ARL3: variants seen among roughly 807,000 people sequenced by gnomAD.
ARL3 encodes ARF like GTPase 3.
ARL3 carries 9 observed loss-of-function variants against 26.0 expected under a neutral mutation model. The observed-to-expected ratio is 0.35, with a 90% CI of 0.21 to 0.60. The LOEUF is 0.60. Among genes scored for constraint, ARL3 ranks in the 20% least tolerant of loss-of-function variants. The pLI, the probability that ARL3 is intolerant of heterozygous loss-of-function variation, is 0.78. For synonymous variants in ARL3, 71 were observed against 78.4 expected (o/e 0.91, Z 0.50); for missense variants, 158 against 215.7 (o/e 0.73, Z 1.67).
intron 4 of ARL3, 66 bp downstream of exon 4, chr10:102,689,827 C>G (rs888315137): frequency 1.9e-6 from 2 of 1,052,578 alleles, no homozygotes; most frequent in Admixed American, 2.4e-5. Flanking sequence ...AAAACTCCGT[C>G]TCAAAAAAAA....
chr10:102,694,226 T>C (rs1288396570), intron 3 of ARL3, among the ~76,000 whole-genome samples: 1 of 151,208 alleles, frequency 6.6e-6, no homozygotes, highest in African/African-American at 2.4e-5. Flanking sequence ...CCTGACCTCG[T>C]GATCCTCCCG....
chr10:102,700,862 C>T (rs963604218), intron 2 of ARL3, among the ~76,000 whole-genome samples: 3 of 150,992 alleles, frequency 2.0e-5, no homozygotes, highest in Non-Finnish European at 4.4e-5. Context: ...CTCAGCCTCC[C>T]GAGTAGCTGG....
intron 4 of ARL3, among the ~76,000 whole-genome samples, chr10:102,687,769 C>T (rs1163610612): frequency 6.6e-5 from 10 of 152,082 alleles, no homozygotes; most frequent in Admixed American, 6.6e-5. Flanking sequence ...TCAAGGGATC[C>T]TCCTGCCTCA....
At chr10:102,696,136 T>C (rs1262017575) in intron 3 of ARL3, among the ~76,000 whole-genome samples, 1 of 151,796 alleles carries the variant, frequency 6.6e-6, no homozygotes, top group African/African-American at 2.4e-5. Flanking sequence ...GCTATTTTTT[T>C]GTATTTTTTA....
At chr10:102,702,932 C>T (rs552752013) in intron 2 of ARL3, among the ~76,000 whole-genome samples, 1 of 152,120 alleles carries the variant, frequency 6.6e-6, no homozygotes, top group Non-Finnish European at 1.5e-5. Flanking sequence ...GGTCTTATCA[C>T]GGTACAGTGA....
At chr10:102,689,829 C>CAAA in intron 4 of ARL3, 64 bp downstream of exon 4, 18 of 850,620 alleles carry the variant, frequency 2.1e-5, no homozygotes, top group South Asian at 1.1e-4. Context: ...AACTCCGTCT[C>CAAA]AAAAAAAAAA....
Position 102,685,875 on chromosome 10 carries a change from T to C in ARL3, c.442A>G (p.Ile148Val). Residue 148 changes from isoleucine to valine, a missense_variant, in exon 5 of 6, where the codon ATC (isoleucine) becomes GTC (valine). Transcript: ENST00000260746. ...EIAEGLNLHT[I>V]RDRVWQIQSC... Reference sequence around the variant, plus strand: ...TGGATCTGCCAGACTCGGTCGCGGATGGTATGCAGGTTCAGTCCTTCTGCA... The same window carrying C: ...TGGATCTGCCAGACTCGGTCGCGGACGGTATGCAGGTTCAGTCCTTCTGCA... 1.2e-6 allele frequency: 2 copies of C among 1,614,148 alleles called. No homozygotes were observed. Among genetic ancestry groups the C allele is most frequent in the African/African-American group, 1.3e-5 (1 of 75,044 alleles).
At position 102,705,487 on chromosome 10, in the gene ARL3, G is replaced by A; in HGVS notation, c.6C>T (p.Gly2=). 6.3e-7 allele frequency: 1 copy of A among 1,589,958 alleles called. No individual in the cohort carries two copies. Among genetic ancestry groups the A allele is most frequent in the South Asian group, 1.1e-5 (1 of 89,754 alleles). The change falls in exon 2 of 6, where the codon GGC becomes GGT. Residue 2 remains glycine, a splice_region_variant and synonymous_variant. Transcript: ENST00000260746. M[G]LLSILRKLKS... ...TCAACTTGCGCAAAATTGAGAGCAA[G>A]CCCTTCAACAACCACAAAGGAGACA...
At chr10:102,687,821 C>T (rs1385553546) in intron 4 of ARL3, among the ~76,000 whole-genome samples, 1 of 152,160 alleles carries the variant, frequency 6.6e-6, no homozygotes, top group Non-Finnish European at 1.5e-5. Flanking sequence ...GCCATCACAC[C>T]TGGCCCATAG....
intron 3 of ARL3, among the ~76,000 whole-genome samples, chr10:102,690,656 G>A (rs780982531): frequency 6.6e-6 from 1 of 152,078 alleles, no homozygotes; most frequent in East Asian, 1.9e-4. Flanking sequence ...ATGATTAGTA[G>A]TAACATGAAT....
chr10:102,695,011 G>A (rs1270276646), intron 3 of ARL3, among the ~76,000 whole-genome samples: 1 of 152,194 alleles, frequency 6.6e-6, no homozygotes, highest in Non-Finnish European at 1.5e-5. Flanking sequence ...GAGCCACTGC[G>A]CCCGGCCTAT....
intron 4 of ARL3, among the ~76,000 whole-genome samples, chr10:102,687,943 G>A (rs559818396): frequency 6.6e-6 from 1 of 151,978 alleles, no homozygotes; most frequent in Non-Finnish European, 1.5e-5. Context: ...GTGTGTGTAT[G>A]TGTGTGTGTG....
intron 4 of ARL3, among the ~76,000 whole-genome samples, chr10:102,687,872 T>C (rs3977736): frequency 0.16 from 24,113 of 152,046 alleles, 2,206 homozygotes; most frequent in Middle Eastern, 0.27. Flanking sequence ...AGACAAGAAG[T>C]GGTTTGAGAT....
chr10:102,709,479 C>CAA (rs11290496), intron 1 of ARL3, among the ~76,000 whole-genome samples: 2 of 114,372 alleles, frequency 1.7e-5, no homozygotes, highest in African/African-American at 6.6e-5. Context: ...ATATCCCTAC[C>CAA]AAAAAAAAAA....
chr10:102,713,401 T>C (rs1352071359), intron 1 of ARL3, among the ~76,000 whole-genome samples: 2 of 152,172 alleles, frequency 1.3e-5, no homozygotes, highest in Non-Finnish European at 2.9e-5. Flanking sequence ...TTGCCCCGGA[T>C]TGAAGTTCGA....
intron 1 of ARL3, among the ~76,000 whole-genome samples, chr10:102,706,113 T>C (rs1168114694): frequency 1.3e-5 from 2 of 152,242 alleles, no homozygotes; most frequent in East Asian, 3.9e-4. Context: ...CCTATAAATA[T>C]ATAACACCAT....
In ARL3 at chr10:102,676,959, A is replaced by G. The variant is rs771829254; in HGVS notation, c.502-18T>C. 1.9e-6 allele frequency: 3 copies of G among 1,613,224 alleles called. No homozygotes were observed. Among genetic ancestry groups the G allele is most frequent in the Admixed American group, 1.7e-5 (1 of 60,000 alleles). On this transcript the variant is annotated intron_variant, in intron 5 of 5. Coordinates refer to ENST00000260746, the MANE Select transcript of ARL3 (RefSeq NM_004311.4). ...ATGCCATCCTTTGAGGGAAATGGGC[A>G]GAGAAAGGCAGTGTTAGTTATAAGA...
At chr10:102,698,891 A>G (rs1340568492) in intron 3 of ARL3, among the ~76,000 whole-genome samples, 1 of 152,162 alleles carries the variant, frequency 6.6e-6, no homozygotes, top group Non-Finnish European at 1.5e-5. Flanking sequence ...GAACTATTCA[A>G]TCCCTCTGAC....
intron 2 of ARL3, among the ~76,000 whole-genome samples, chr10:102,704,279 C>T (rs1447296074): frequency 6.6e-6 from 1 of 151,252 alleles, no homozygotes; most frequent in African/African-American, 2.4e-5. Flanking sequence ...AGAGTTTTCT[C>T]CTTTATACTT....
Sources: allele counts gnomAD v4.1 joint callset (sites outside exome capture counted in the v4.1 genomes callset), GRCh38; gene constraint gnomAD v4.1.1; transcripts MANE v1.5; gene names NCBI Gene and HGNC (gene_info 2026-07-23, HGNC 2026-07-21).